Variants in RDX observed in about 807,000 individuals in gnomAD.
RDX encodes the protein radixin.
RDX carries 32 observed loss-of-function variants against 83.7 expected under a neutral mutation model. That is an observed-to-expected ratio of 0.38 (90% CI 0.29 to 0.51). RDX has a LOEUF of 0.51. Ranked by LOEUF, RDX falls within the 20% of genes least tolerant of loss-of-function variation. The pLI is 0.87. For missense variants in RDX, 600 were observed against 689.9 expected, an observed-to-expected ratio of 0.87 and a Z score of 1.46; for synonymous variants, 229 against 222.7, an observed-to-expected ratio of 1.03 and a Z score of -0.25.
intron 15 of RDX, among the ~76,000 whole-genome samples, chr11:110,193,559 TTCTCC>T (rs1863144407): frequency 1.3e-5 from 2 of 152,238 alleles, no homozygotes; most frequent in Admixed American, 1.3e-4. Context: ...ATAAACTATT[TTCTCC>T]TCTCAACTGC....
rs201666463 is a variant in RDX at position 110,210,996 on chromosome 11, C to A, written c.1749-11318G>T. Among the ~76,000 whole-genome samples, 17 of 151,948 alleles carry A rather than the reference C, an allele frequency of 1.1e-4. No homozygotes were observed. In the East Asian group the frequency reaches 2.5e-3, roughly 23 times the overall value. The stretch of plus-strand genomic sequence containing the variant: ...GATCAAATTCACACATAACAATATT[C>A]ACTTTAAATGTAAATGGACTAAATG... On this transcript the variant is annotated intron_variant, in intron 14 of 15. Transcript: ENST00000528498.
rs943448170 is a variant in RDX, at chr11:110,219,314, A to C, written c.1748+12559T>G. On this transcript the variant is annotated intron_variant, in intron 14 of 15. Transcript: ENST00000528498. ...CAAGAGAAGAGGAAATCAGCAGAGGAGGCCCAAGAGCTTCGGCAGGGACCA... is the reference window on the plus strand; with the variant it reads ...CAAGAGAAGAGGAAATCAGCAGAGGCGGCCCAAGAGCTTCGGCAGGGACCA... 7.2e-5 allele frequency among the ~76,000 whole-genome samples: 11 copies of C among 152,322 alleles called. No homozygotes were observed. The South Asian group carries it at 2.3e-3, about 32-fold the overall frequency.
chr11:110,195,155 G>A (rs898885312), intron 15 of RDX, among the ~76,000 whole-genome samples: 5 of 151,862 alleles, frequency 3.3e-5, no homozygotes, highest in Admixed American at 1.3e-4. Flanking sequence ...CATGCCCAGG[G>A]GGGTTTCACC....
At chr11:110,288,124 C>T (rs182919537) in intron 1 of RDX, among the ~76,000 whole-genome samples, 2 of 152,212 alleles carry the variant, frequency 1.3e-5, no homozygotes, top group Admixed American at 6.5e-5. Flanking sequence ...AAGTCTTGCT[C>T]ATGTAGAAAT....
chr11:110,218,969 T>A (rs1864153694), intron 14 of RDX, among the ~76,000 whole-genome samples: 1 of 152,116 alleles, frequency 6.6e-6, no homozygotes, highest in African/African-American at 2.4e-5. Flanking sequence ...ACAGTAAAAT[T>A]CCTGCCCTCA....
chr11:110,202,787 CA>C (rs1418618028), intron 14 of RDX, among the ~76,000 whole-genome samples: 2 of 151,846 alleles, frequency 1.3e-5, no homozygotes, highest in Non-Finnish European at 2.9e-5. Context: ...AGGTGCTCAA[CA>C]TCATTGAGCA....
At chr11:110,267,512 C>CAA (rs1377367745) in intron 3 of RDX, among the ~76,000 whole-genome samples, 2 of 102,112 alleles carry the variant, frequency 2.0e-5, no homozygotes, top group African/African-American at 7.2e-5. Flanking sequence ...GACTCCGTCT[C>CAA]AAAACACACA....
In RDX at chr11:110,279,746, GT is replaced by G; in HGVS notation, c.-55del. The G allele has an allele frequency of 8.9e-7, 1 of 1,121,634 alleles. No individual in the cohort carries two copies. The highest frequency in any genetic ancestry group is 1.3e-6 in the Non-Finnish European group (1 of 754,290). The allele number at this position is 1,121,634 out of a possible 1,614,324, so 69.5% of individuals were successfully genotyped here. A position where few individuals can be genotyped will look rare whatever the true frequency, so the allele number is the denominator to read the frequency against. ...AAAATTCTCCACTTCAATGAATTCT[GT>G]TATCACTTTCTGTTAAAAAAAAAAA... On this transcript the variant is annotated 5_prime_UTR_variant, in exon 2 of 14. Transcript: ENST00000645495.
At chr11:110,257,549 A>G (rs1392866744) in intron 7 of RDX, among the ~76,000 whole-genome samples, 1 of 152,166 alleles carries the variant, frequency 6.6e-6, no homozygotes, top group Non-Finnish European at 1.5e-5. Flanking sequence ...CAATCATCTC[A>G]TTTGATAAAT....
intron 11 of RDX, chr11:110,236,643 CAG>C (rs1565307257): frequency 1.8e-5 from 3 of 165,274 alleles, no homozygotes; most frequent in Non-Finnish European, 2.6e-5. Context: ...TTTTTTCAGA[CAG>C]AGTCTCGTTC....
At chr11:110,263,825 G>A (rs1483033402) in intron 5 of RDX, 135 bp downstream of exon 5, 12 of 728,258 alleles carry the variant, frequency 1.6e-5, no homozygotes, top group Admixed American at 2.8e-5. Flanking sequence ...CTGAGATCAC[G>A]CCACTGCACT....
intron 14 of RDX, among the ~76,000 whole-genome samples, chr11:110,202,201 C>T (rs1465929896): frequency 4.6e-5 from 7 of 151,926 alleles, no homozygotes; most frequent in Admixed American, 2.0e-4. Flanking sequence ...TTGAGACCAG[C>T]CTGGCCAACA....
chr11:110,218,121 T>A (rs1327557441), intron 14 of RDX, among the ~76,000 whole-genome samples: 1 of 152,222 alleles, frequency 6.6e-6, no homozygotes, highest in Non-Finnish European at 1.5e-5. Context: ...AGCAGGGGTA[T>A]GGAGTGGGGC....
intron 14 of RDX, among the ~76,000 whole-genome samples, chr11:110,218,706 G>A (rs999924107): frequency 5.3e-5 from 8 of 152,152 alleles, no homozygotes; most frequent in Admixed American, 2.0e-4. Context: ...TCTGTGACTC[G>A]ATATATTTGC....
chr11:110,199,366 TGC>T (rs1196773961), intron 15 of RDX, among the ~76,000 whole-genome samples: 1 of 152,172 alleles, frequency 6.6e-6, no homozygotes, highest in Non-Finnish European at 1.5e-5. Flanking sequence ...GCCCAAGAGA[TGC>T]AAACTATTGG....
intron 3 of RDX, among the ~76,000 whole-genome samples, chr11:110,271,786 T>C (rs1860321430): frequency 6.6e-6 from 1 of 152,160 alleles, no homozygotes; most frequent in South Asian, 2.1e-4. Flanking sequence ...TCATACATTA[T>C]GAACCTATGA....
In RDX at chr11:110,264,021, C is replaced by T. The variant is rs1384571095; in HGVS notation, c.406G>A (p.Asp136Asn). The T allele has an allele frequency of 6.2e-6, 10 of 1,613,586 alleles. No individual in the cohort carries two copies. Among genetic ancestry groups the T allele is most frequent in the African/African-American group, 1.3e-5 (1 of 74,900 alleles). ...ASYAVQAKYG[D>N]YNKEIHKPGY... is the part of the protein sequence containing the mutation. ...GGCTTATGAATCTCTTTATTGTAAT[C>T]TCCATACTTGGCTTGGACAGCATAG... Residue 136 changes from aspartate to asparagine, a missense_variant, in exon 5 of 14, where the codon GAT becomes AAT. Asp to Asn is a conservative substitution (Grantham distance 23). Transcript: ENST00000645495.
At chr11:110,281,938 CAAAA>C (rs750336725) in intron 1 of RDX, among the ~76,000 whole-genome samples, 4 of 91,222 alleles carry the variant, frequency 4.4e-5, no homozygotes, top group Non-Finnish European at 9.0e-5. Context: ...CCATCTCTAT[CAAAA>C]AAAAAAAAAA....
rs1253116971 is a variant in RDX at position 110,263,958 on chromosome 11, A to G, written c.467+2T>C. On this transcript the variant is annotated splice_donor_variant, in intron 5 of 13. Coordinates refer to ENST00000645495, the MANE Select transcript of RDX (RefSeq NM_002906.4). LOFTEE classifies it high-confidence loss of function. ...TATAATGCAAACGCATGTTTCACTT[A>G]CCGCTGGGGTAGGAGTCTATCATTA... is the stretch of plus-strand genomic sequence containing the variant. 6.2e-7 allele frequency: 1 copy of G among 1,612,786 alleles called. No individual in the cohort carries two copies. Among genetic ancestry groups the G allele is most frequent in the Non-Finnish European group, 8.5e-7 (1 of 1,178,944 alleles).
Sources: gnomAD v4.1 joint callset for allele counts (sites outside exome capture counted in the v4.1 genomes callset) on GRCh38, gnomAD v4.1.1 for gene constraint, MANE v1.5 for transcripts, NCBI Gene and HGNC (gene_info 2026-07-23, HGNC 2026-07-21) for gene names.